CFAP210: variants seen among roughly 807,000 people sequenced by gnomAD.
The protein encoded by CFAP210 is cilia and flagella associated protein 210.
At chr2:169,667,580 G>A in the CFAP210 span, among the ~76,000 whole-genome samples, 2 of 152,108 alleles carry the variant, frequency 1.3e-5, no homozygotes, top group African/African-American at 2.4e-5. Context: ...AGACTTGAAA[G>A]TCTAAATTAC....
At chr2:169,653,056 A>ATATATATG in the CFAP210 span, among the ~76,000 whole-genome samples, 8 of 101,994 alleles carry the variant, frequency 7.8e-5, no homozygotes, top group African/African-American at 3.0e-4. Flanking sequence ...ATATATATAT[A>ATATATATG]TATATATATA....
the CFAP210 span, among the ~76,000 whole-genome samples, chr2:169,668,493 CA>C: frequency 6.6e-6 from 1 of 152,220 alleles, no homozygotes; most frequent in Non-Finnish European, 1.5e-5. Context: ...ACTCAGCTTT[CA>C]GCCTATTTTG....
At chr2:169,649,462 G>A in the CFAP210 span, 1 of 885,806 alleles carries the variant, frequency 1.1e-6, no homozygotes, top group Non-Finnish European at 1.7e-6. Context: ...AGCAATGCAG[G>A]AGCAGAAAAG....
the CFAP210 span, among the ~76,000 whole-genome samples, chr2:169,694,054 C>G: frequency 6.6e-6 from 1 of 152,176 alleles, no homozygotes; most frequent in Non-Finnish European, 1.5e-5. Flanking sequence ...CCCACTTCCA[C>G]TCCCCGTTTC....
At chr2:169,675,951 G>C in the CFAP210 span, among the ~76,000 whole-genome samples, 1 of 152,022 alleles carries the variant, frequency 6.6e-6, no homozygotes, top group South Asian at 2.1e-4. Flanking sequence ...AGAAAACCTT[G>C]TTTACTCTGA....
chr2:169,670,345 T>C, the CFAP210 span, among the ~76,000 whole-genome samples: 1 of 152,198 alleles, frequency 6.6e-6, no homozygotes, highest in Non-Finnish European at 1.5e-5. Context: ...CAAAGACTCT[T>C]ATACTAGTCA....
chr2:169,694,123 T>C, the CFAP210 span: 2 of 804,090 alleles, frequency 2.5e-6, no homozygotes, highest in East Asian at 5.3e-5. Flanking sequence ...AGCCCAAAGA[T>C]GCTTATTGAG....
chr2:169,678,341 C>CAAAAAAA, the CFAP210 span, among the ~76,000 whole-genome samples: 4 of 88,184 alleles, frequency 4.5e-5, no homozygotes, highest in Admixed American at 1.3e-4. Flanking sequence ...AACTCTGTTG[C>CAAAAAAA]AAAAAAAAAA....
At chr2:169,647,821 A>G in the CFAP210 span, among the ~76,000 whole-genome samples, 1 of 152,148 alleles carries the variant, frequency 6.6e-6, no homozygotes, top group South Asian at 2.1e-4. Context: ...TAATACACAG[A>G]GTATTTTTAA....
chr2:169,680,998 A>C, the CFAP210 span: 4 of 1,609,850 alleles, frequency 2.5e-6, no homozygotes, highest in Non-Finnish European at 3.4e-6. Context: ...CTGGATGGTT[A>C]ATACTTACTG....
At chr2:169,647,711 A>T in the CFAP210 span, among the ~76,000 whole-genome samples, 8 of 152,048 alleles carry the variant, frequency 5.3e-5, no homozygotes, top group Non-Finnish European at 8.8e-5. Context: ...CTGGCCAAAA[A>T]TTTAAAACTT....
chr2:169,645,858 G>T, the CFAP210 span: 6 of 1,610,866 alleles, frequency 3.7e-6, no homozygotes, highest in African/African-American at 8.0e-5. Context: ...GTAAAACCTA[G>T]CCTTCTCTTT....
the CFAP210 span, among the ~76,000 whole-genome samples, chr2:169,688,581 C>G: frequency 1.3e-5 from 2 of 152,182 alleles, no homozygotes; most frequent in East Asian, 1.9e-4. Context: ...TCTCAAAGTT[C>G]CACAAATCTC....
chr2:169,681,292 G>T, the CFAP210 span: 1 of 1,253,322 alleles, frequency 8.0e-7, no homozygotes, highest in Non-Finnish European at 1.1e-6. Flanking sequence ...AGTGATATTC[G>T]TCTGAGAAGT....
chr2:169,684,862 G>T, the CFAP210 span, among the ~76,000 whole-genome samples: 1 of 152,080 alleles, frequency 6.6e-6, no homozygotes, highest in Non-Finnish European at 1.5e-5. Flanking sequence ...CACTGTGTTG[G>T]CCAGGCTGGT....
At chr2:169,661,099 T>C in the CFAP210 span, 1 of 553,316 alleles carries the variant, frequency 1.8e-6, no homozygotes, top group Admixed American at 1.9e-5. Flanking sequence ...CAAGGCTCCC[T>C]GAAGACCTTT....
the CFAP210 span, among the ~76,000 whole-genome samples, chr2:169,691,843 C>T: frequency 6.6e-6 from 1 of 152,134 alleles, no homozygotes; most frequent in Non-Finnish European, 1.5e-5. Context: ...TATTCTTTGT[C>T]ACATGTGGCC....
chr2:169,681,099 C>T, the CFAP210 span: 1 of 1,613,934 alleles, frequency 6.2e-7, no homozygotes, highest in Non-Finnish European at 8.5e-7. Flanking sequence ...CATGCTGCTT[C>T]TCTTGTCAAC....
the CFAP210 span, among the ~76,000 whole-genome samples, chr2:169,660,594 A>G: frequency 6.7e-5 from 7 of 104,346 alleles, no homozygotes; most frequent in East Asian, 4.9e-4. Context: ...TATTTTATAT[A>G]TATATATATA....
Sources: gnomAD v4.1 joint callset for allele counts (sites outside exome capture counted in the v4.1 genomes callset) on GRCh38, gnomAD v4.1.1 for gene constraint, MANE v1.5 for transcripts, NCBI Gene and HGNC (gene_info 2026-07-23, HGNC 2026-07-21) for gene names.